The following ADARB2 variants were observed in gnomAD, a reference collection of about 807,000 sequenced individuals.
ADARB2 encodes the protein inactive double-stranded RNA-specific editase B2.
In ADARB2, 25 loss-of-function variants were observed where a neutral mutation model predicts 62.2. That is an observed-to-expected ratio of 0.40 (90% CI 0.29 to 0.56). ADARB2 has a LOEUF of 0.56. Ranked by LOEUF, ADARB2 falls within the 20% of genes least tolerant of loss-of-function variation. ADARB2 has a pLI of 0.43. For missense variants in ADARB2, 1,071 were observed against 1,077.4 expected, an observed-to-expected ratio of 0.99 and a Z score of 0.08; for synonymous variants, 572 against 500.8, an observed-to-expected ratio of 1.14 and a Z score of -1.90.
chr10:1,663,400 C>T (rs560897011), intron 1 of ADARB2, among the ~76,000 whole-genome samples: 7 of 152,286 alleles, frequency 4.6e-5, no homozygotes, highest in East Asian at 3.9e-4. Context: ...TGCTACAGAG[C>T]GCTGCCACTC....
intron 1 of ADARB2, among the ~76,000 whole-genome samples, chr10:1,641,721 A>T: frequency 6.6e-6 from 1 of 152,212 alleles, no homozygotes; most frequent in Non-Finnish European, 1.5e-5. Context: ...TTTTTAAAAA[A>T]TGTGTTCCTG....
In ADARB2 at chr10:1,246,577, C is replaced by T. The variant is rs1047452904; in HGVS notation, c.1193-4278G>A. Among the ~76,000 whole-genome samples the T allele has an allele frequency of 3.7e-5, 4 of 107,284 alleles. 1 individual carries two copies. Among genetic ancestry groups the T allele is most frequent in the Non-Finnish European group, 5.8e-5 (3 of 52,084 alleles). 70.4% of individuals were successfully genotyped at this position (107,284 alleles called of 152,430 possible). A position where few individuals can be genotyped will look rare whatever the true frequency, so the allele number is the denominator to read the frequency against. On this transcript the variant is annotated intron_variant, in intron 4 of 9. Coordinates refer to ENST00000381312, the MANE Select transcript of ADARB2 (RefSeq NM_018702.4). ...ATATGGCTAGCCAGTTTTCCCAGCA[C>T]CATTTATTAAATAGGGAATCCTTTC...
At chr10:1,206,266 C>T (rs1365183840) in intron 7 of ADARB2, among the ~76,000 whole-genome samples, 2 of 152,188 alleles carry the variant, frequency 1.3e-5, no homozygotes, top group Non-Finnish European at 2.9e-5. Context: ...AACGATTCCT[C>T]CTTAAGCCGG....
At chr10:1,492,672 G>A (rs569187589) in intron 1 of ADARB2, among the ~76,000 whole-genome samples, 3 of 152,246 alleles carry the variant, frequency 2.0e-5, no homozygotes, top group Non-Finnish European at 2.9e-5. Flanking sequence ...CCTGGGACTC[G>A]ACTAAGGAGG....
intron 4 of ADARB2, among the ~76,000 whole-genome samples, chr10:1,252,785 G>A (rs1831048108): frequency 6.6e-6 from 1 of 152,086 alleles, no homozygotes; most frequent in Admixed American, 6.6e-5. Flanking sequence ...GGACATGATT[G>A]GACTGAGACT....
Position 1,689,905 on chromosome 10 carries a change from A to T in ADARB2, c.100+47146T>A, listed in dbSNP as rs891367349. ...GGGTCTCTATTTTCATCTCTGAGAAATTTAAAAAATCGTACAATTGATGAC... is the reference window on the plus strand; with the variant it reads ...GGGTCTCTATTTTCATCTCTGAGAATTTTAAAAAATCGTACAATTGATGAC... On this transcript the variant is annotated intron_variant, in intron 1 of 9. Transcript: ENST00000381312. 2.0e-5 allele frequency among the ~76,000 whole-genome samples: 3 copies of T among 152,214 alleles called. No individual in the cohort carries two copies. In the South Asian group the frequency reaches 6.2e-4, roughly 31 times the overall value.
intron 2 of ADARB2, among the ~76,000 whole-genome samples, chr10:1,369,160 C>T (rs1396396201): frequency 6.6e-6 from 1 of 152,200 alleles, no homozygotes. Context: ...CCCTCCCCGA[C>T]CCAGGAAATT....
At chr10:1,358,522 A>G (rs1477046794) in intron 3 of ADARB2, among the ~76,000 whole-genome samples, 1 of 152,188 alleles carries the variant, frequency 6.6e-6, no homozygotes, top group East Asian at 1.9e-4. Flanking sequence ...TCCGCTGCCC[A>G]GGGATGCCCC....
At chr10:1,392,957 A>T (rs931887764) in intron 1 of ADARB2, among the ~76,000 whole-genome samples, 17 of 152,210 alleles carry the variant, frequency 1.1e-4, no homozygotes, top group Non-Finnish European at 2.1e-4. Flanking sequence ...TGTTCAAAAA[A>T]AAACATACAA....
intron 1 of ADARB2, among the ~76,000 whole-genome samples, chr10:1,683,091 CT>C (rs1208484916): frequency 4.6e-5 from 7 of 152,172 alleles, no homozygotes; most frequent in Admixed American, 4.6e-4. Flanking sequence ...GCTTTTCATG[CT>C]TTACTTATGG....
At chr10:1,590,609 G>GA (rs1177324675) in intron 1 of ADARB2, among the ~76,000 whole-genome samples, 1 of 152,132 alleles carries the variant, frequency 6.6e-6, no homozygotes, top group Non-Finnish European at 1.5e-5. Flanking sequence ...ATGCTGACCG[G>GA]AAAAAACCAT....
intron 2 of ADARB2, among the ~76,000 whole-genome samples, chr10:1,367,446 C>T (rs2131852952): frequency 6.6e-6 from 1 of 152,296 alleles, no homozygotes; most frequent in South Asian, 2.1e-4. Context: ...GTTATAGGTG[C>T]ACAACATTCA....
intron 1 of ADARB2, among the ~76,000 whole-genome samples, chr10:1,679,581 G>A (rs1834509185): frequency 1.3e-5 from 2 of 152,100 alleles, no homozygotes; most frequent in Admixed American, 1.3e-4. Context: ...CATGTGACCT[G>A]GCTAATTGAG....
intron 6 of ADARB2, among the ~76,000 whole-genome samples, chr10:1,229,961 A>G (rs891265619): frequency 1.3e-5 from 2 of 152,208 alleles, no homozygotes; most frequent in African/African-American, 4.8e-5. Flanking sequence ...CGCTCGATGC[A>G]GGCCAAAGGG....
At chr10:1,456,829 C>T (rs1414059305) in intron 1 of ADARB2, among the ~76,000 whole-genome samples, 3 of 152,150 alleles carry the variant, frequency 2.0e-5, no homozygotes, top group Non-Finnish European at 2.9e-5. Context: ...GAGTCTCGCA[C>T]TGTTGCTGGG....
At chr10:1,615,118 T>A (rs907842367) in intron 1 of ADARB2, among the ~76,000 whole-genome samples, 4 of 152,306 alleles carry the variant, frequency 2.6e-5, no homozygotes, top group Admixed American at 2.0e-4. Context: ...AATTTTTATT[T>A]TTTTGCTATT....
At chr10:1,199,941 G>C (rs761949470) in intron 8 of ADARB2, 25 bp downstream of exon 8, 1 of 1,491,530 alleles carries the variant, frequency 6.7e-7, no homozygotes, top group Non-Finnish European at 8.9e-7. Flanking sequence ...AGGAGGTGGA[G>C]GGCCCCCGGG....
At chr10:1,673,432 T>A (rs1288089271) in intron 1 of ADARB2, among the ~76,000 whole-genome samples, 2 of 152,080 alleles carry the variant, frequency 1.3e-5, no homozygotes, top group Admixed American at 1.3e-4. Flanking sequence ...GTTCATAATT[T>A]TTTTTAAGGG....
chr10:1,603,176 C>G (rs145173432), intron 1 of ADARB2, among the ~76,000 whole-genome samples: 1 of 152,046 alleles, frequency 6.6e-6, no homozygotes, highest in Non-Finnish European at 1.5e-5. Context: ...CACACACACA[C>G]CTGTACACAC....
Sources: gnomAD v4.1 joint callset for allele counts (sites outside exome capture counted in the v4.1 genomes callset) on GRCh38, gnomAD v4.1.1 for gene constraint, MANE v1.5 for transcripts, NCBI Gene and HGNC (gene_info 2026-07-23, HGNC 2026-07-21) for gene names.